Variants in BICRA observed in about 807,000 individuals in gnomAD.
BICRA encodes BRD4 interacting chromatin remodeling complex associated protein.
In BICRA, 31 loss-of-function variants were observed where a neutral mutation model predicts 96.9. The ratio of observed to expected loss-of-function variants is 0.32; its 90% CI spans 0.24 to 0.43. The LOEUF is 0.43. Among genes scored for constraint, BICRA ranks in the 20% least tolerant of loss-of-function variants. BICRA has a pLI of 1.00. For synonymous variants in BICRA, 1,350 were observed against 1,071.8 expected, an observed-to-expected ratio of 1.26 and a Z score of -5.07; for missense variants, 2,283 against 2,190.3, an observed-to-expected ratio of 1.04 and a Z score of -0.84.
intron 7 of BICRA, among the ~76,000 whole-genome samples, chr19:47,686,268 T>A (rs1973157488): frequency 6.6e-6 from 1 of 152,256 alleles, no homozygotes; most frequent in African/African-American, 2.4e-5. Context: ...AGGACATGCA[T>A]ACATATATGT....
intron 1 of BICRA, among the ~76,000 whole-genome samples, chr19:47,646,421 C>T (rs928376296): frequency 3.1e-5 from 4 of 129,786 alleles, no homozygotes; most frequent in African/African-American, 6.2e-5. Flanking sequence ...CAGCTCAGCC[C>T]GACACACATG....
intron 1 of BICRA, among the ~76,000 whole-genome samples, chr19:47,641,042 A>G (rs985549809): frequency 2.0e-5 from 3 of 148,266 alleles, no homozygotes; most frequent in African/African-American, 7.5e-5. Flanking sequence ...CTGGGACTAC[A>G]GGCACCCACC....
chr19:47,702,025 G>C lies in BICRA; in HGVS notation c.4293G>C (p.Glu1431Asp), dbSNP rs1342397564. The stretch of plus-strand genomic sequence containing the variant: ...AGGCCACCAGCGGGCTCATCCGCGA[G>C]CTGGCGGCCGTGGAGGACGAGCTGT... The part of the protein sequence containing the change: ...VDEATSGLIR[E>D]LAAVEDELYQ... The change falls in exon 15 of 15, where the codon GAG becomes GAC. Residue 1431 changes from glutamate to aspartate, a missense_variant. Glu to Asp is a conservative substitution (Grantham distance 45). Coordinates refer to ENST00000594866, the MANE Select transcript of BICRA (RefSeq NM_001394372.1). The C allele has an allele frequency of 6.7e-7, 1 of 1,489,912 alleles. No homozygotes were observed. Among genetic ancestry groups the C allele is most frequent in the Admixed American group, 2.4e-5 (1 of 42,236 alleles). The allele number at this position is 1,489,912 out of a possible 1,614,324, so 92.3% of individuals were successfully genotyped here.
Position 47,616,778 on chromosome 19 carries a change from C to G in BICRA, c.-108+7610C>G, listed in dbSNP as rs535155490. ...AAGCTTTTTAGGATAGGACCTGGCT[C>G]TCAGGAATGCTCAGTGAAGCTTCAC... On this transcript the variant is annotated intron_variant, in intron 1 of 14. Transcript: ENST00000594866. Among the ~76,000 whole-genome samples the G allele has an allele frequency of 3.3e-5, 5 of 152,044 alleles. No individual in the cohort carries two copies. The East Asian group carries it at 9.6e-4, about 29-fold the overall frequency.
chr19:47,670,832 G>A (rs764958829), intron 2 of BICRA, among the ~76,000 whole-genome samples: 13 of 152,200 alleles, frequency 8.5e-5, no homozygotes, highest in Non-Finnish European at 1.8e-4. Flanking sequence ...AGCGGGTTGG[G>A]GAGGGAAGGG....
Position 47,701,775 on chromosome 19 carries a change from G to C in BICRA, c.4043G>C (p.Arg1348Pro), listed in dbSNP as rs1568581784. ...CTCAAGGTGGCCGAGCCCCCGCCACGGCCGCCACCACCACCGCCGCCCACG... is the reference window on the plus strand; with the variant it reads ...CTCAAGGTGGCCGAGCCCCCGCCACCGCCGCCACCACCACCGCCGCCCACG... ...ATLKVAEPPP[R>P]PPPPPPPTGQ... The change falls in exon 15 of 15, where the codon CGG (arginine) becomes CCG (proline). Residue 1348 changes from arginine to proline, a missense_variant. By Grantham distance (103) the Arg-to-Pro change is moderately radical. Coordinates refer to ENST00000594866, the MANE Select transcript of BICRA (RefSeq NM_001394372.1). This position sits in a 1 kb window ranked among gnomAD's most constrained non-coding sequence, Gnocchi z 5.4. 6.5e-7 allele frequency: 1 copy of C among 1,528,032 alleles called. No individual in the cohort carries two copies. Among genetic ancestry groups the C allele is most frequent in the Admixed American group, 2.0e-5 (1 of 50,592 alleles). 94.7% of individuals were successfully genotyped at this position (1,528,032 alleles called of 1,614,324 possible).
In BICRA at chr19:47,679,924, C is replaced by T; in HGVS notation, c.754C>T (p.Leu252Phe). The T allele has an allele frequency of 6.6e-7, 1 of 1,518,582 alleles. No individual in the cohort carries two copies. The highest frequency in any genetic ancestry group is 8.8e-7 in the Non-Finnish European group (1 of 1,139,800). 94.1% of individuals were successfully genotyped at this position (1,518,582 alleles called of 1,614,324 possible). Residue 252 changes from leucine to phenylalanine, a missense_variant, in exon 6 of 15, where the codon CTC (leucine) becomes TTC (phenylalanine). Transcript: ENST00000594866. ...VMALNTPTSQ[L>F]LAKQVPVSGY... ...GGCGCTCAACACGCCCACCTCCCAGCTCCTGGCCAAGCAGGTGCCCGTCAG... is the reference window on the plus strand; with the variant it reads ...GGCGCTCAACACGCCCACCTCCCAGTTCCTGGCCAAGCAGGTGCCCGTCAG...
intron 1 of BICRA, among the ~76,000 whole-genome samples, chr19:47,632,803 C>T (rs1245435629): frequency 2.6e-5 from 4 of 152,088 alleles, no homozygotes; most frequent in African/African-American, 7.2e-5. Flanking sequence ...TAGGGAAAGG[C>T]GTGACTCAAG....
Position 47,694,290 on chromosome 19 carries a change from A to G in BICRA, c.2459A>G (p.His820Arg). 1 of 637,926 alleles carries G rather than the reference A, an allele frequency of 1.6e-6. No homozygotes were observed. The highest frequency in any genetic ancestry group is 2.5e-6 in the Non-Finnish European group (1 of 401,974). The allele number at this position is 637,926 out of a possible 1,614,324, so 39.5% of individuals were successfully genotyped here. A position where few individuals can be genotyped will look rare whatever the true frequency, so the allele number is the denominator to read the frequency against. Residue 820 changes from histidine to arginine, a missense_variant, in exon 8 of 15, where the codon CAC becomes CGC. Physicochemically the swap from His to Arg is conservative, Grantham distance 29 (BLOSUM62 0). Coordinates refer to ENST00000594866, the MANE Select transcript of BICRA (RefSeq NM_001394372.1). ...VSRPPSEPPL[H>R]PCPPPQAPPT... ...CGCCCTCCCTCAGAGCCACCCTTGC[A>G]CCCTTGCCCCCCACCCCAGGCCCCC...
At chr19:47,624,450 A>G (rs1972110649) in intron 1 of BICRA, among the ~76,000 whole-genome samples, 1 of 152,210 alleles carries the variant, frequency 6.6e-6, no homozygotes, top group South Asian at 2.1e-4. Flanking sequence ...TTTATACGAT[A>G]CTGCAATCTG....
At chr19:47,696,846 T>C (rs1440303842) in intron 11 of BICRA, among the ~76,000 whole-genome samples, 1 of 145,268 alleles carries the variant, frequency 6.9e-6, no homozygotes, top group Non-Finnish European at 1.5e-5. Context: ...GGTGAAGTGA[T>C]GGGTGGGGGA....
intron 1 of BICRA, among the ~76,000 whole-genome samples, chr19:47,609,421 C>T (rs1322466752): frequency 1.4e-5 from 2 of 146,074 alleles, no homozygotes; most frequent in African/African-American, 5.0e-5. Context: ...CCACCGCCAC[C>T]GGCACCCCCA....
Position 47,680,846 on chromosome 19 carries a change from T to C in BICRA, c.1676T>C (p.Val559Ala). The change falls in exon 6 of 15, where the codon GTG (valine) becomes GCG (alanine). Residue 559 changes from valine to alanine, a missense_variant. Val to Ala is a moderately conservative substitution (Grantham distance 64). Transcript: ENST00000594866. Reference sequence around the variant, plus strand: ...CAGCCTGCGCTCTTCCAGATGCCCGTGTCGCTGGCGGCGGGCAGCCTGCCC... The same window carrying C: ...CAGCCTGCGCTCTTCCAGATGCCCGCGTCGCTGGCGGCGGGCAGCCTGCCC... ...VGQPALFQMPVSLAAGSLPTQ... is the reference protein window; with the variant it reads ...VGQPALFQMPASLAAGSLPTQ... 1 of 1,585,240 alleles carries C rather than the reference T, an allele frequency of 6.3e-7. No individual in the cohort carries two copies. The highest frequency in any genetic ancestry group is 1.1e-5 in the South Asian group (1 of 88,486).
In BICRA at chr19:47,698,543, G is replaced by A. The variant is rs986411320; in HGVS notation, c.3249-91G>A. 15 of 704,752 alleles carry A rather than the reference G, an allele frequency of 2.1e-5. No individual in the cohort carries two copies. In the East Asian group the frequency reaches 3.7e-4, roughly 17 times the overall value. The allele number at this position is 704,752 out of a possible 1,614,324, so 43.7% of individuals were successfully genotyped here. On this transcript the variant is annotated intron_variant, in intron 11 of 14. Transcript: ENST00000594866. The surrounding 1 kb of genome is among the most constrained non-coding windows in gnomAD (Gnocchi z 4.8). ...CTTCCCGCTGTTGTGTTCAGTTGCG[G>A]CCTGGGGCTGAGGGTTCAGGGACTT...
Position 47,701,734 on chromosome 19 carries a change from G to A in BICRA, c.4002G>A (p.Pro1334=), listed in dbSNP as rs1448513557. 4 of 1,275,530 alleles carry A rather than the reference G, an allele frequency of 3.1e-6. No homozygotes were observed. The highest frequency in any genetic ancestry group is 5.2e-5 in the East Asian group (2 of 38,692). 79.0% of individuals were successfully genotyped at this position (1,275,530 alleles called of 1,614,324 possible). ...NTALDPVHQP[P]PPPATLKVAE... ...CCCTGGACCCCGTGCACCAGCCCCC[G>A]CCACCCCCCGCTACCCTCAAGGTGG... Residue 1334 remains proline (P), a synonymous_variant, in exon 15 of 15, where the codon CCG becomes CCA. Coordinates refer to ENST00000594866, the MANE Select transcript of BICRA (RefSeq NM_001394372.1). The surrounding 1 kb of genome is among the most constrained non-coding windows in gnomAD (Gnocchi z 5.4).
At chr19:47,695,342 T>TCGGGCCCCCCCCCCCCCCCCCCCCCCCCC in intron 9 of BICRA, 23 bp from the exon 10 acceptor site, 3 of 630,148 alleles carry the variant, frequency 4.8e-6, no homozygotes, top group Non-Finnish European at 5.7e-6. Context: ...AGGCCCTGTC[T>TCGGGCCCCCCCCCCCCCCCCCCCCCCCCC]CCCCCACCCC....
At chr19:47,623,279 C>T (rs2123512869) in intron 1 of BICRA, among the ~76,000 whole-genome samples, 1 of 152,238 alleles carries the variant, frequency 6.6e-6, no homozygotes, top group Admixed American at 6.5e-5. Flanking sequence ...TGCTGCTTTT[C>T]CTCCCAGTGC....
intron 1 of BICRA, among the ~76,000 whole-genome samples, chr19:47,657,482 C>T (rs944215033): frequency 4.6e-5 from 7 of 151,644 alleles, no homozygotes; most frequent in Admixed American, 1.3e-4. Context: ...CTGCAAGCTC[C>T]GCCTCACAGG....
chr19:47,663,669 G>T (rs1972735034), intron 1 of BICRA: 2 of 152,158 alleles, frequency 1.3e-5, no homozygotes, highest in South Asian at 2.1e-4. Flanking sequence ...TACTCTAACT[G>T]CAAGAAAGGC....
Sources: gnomAD v4.1 joint callset for allele counts (sites outside exome capture counted in the v4.1 genomes callset) on GRCh38, gnomAD v4.1.1 for gene constraint, Gnocchi (gnomAD v3.1) non-coding constraint, MANE v1.5 for transcripts, NCBI Gene and HGNC (gene_info 2026-07-23, HGNC 2026-07-21) for gene names.